Variants in PIK3C2G observed in about 807,000 individuals in gnomAD.
PIK3C2G encodes phosphatidylinositol-4-phosphate 3-kinase catalytic subunit type 2 gamma, also known as phosphatidylinositol 3-kinase C2 domain-containing subunit gamma.
PIK3C2G carries 168 observed loss-of-function variants against 181.1 expected under a neutral mutation model. That is an observed-to-expected ratio of 0.93 (90% confidence interval 0.82 to 1.05). The LOEUF is 1.05. PIK3C2G is among the 50% of genes least tolerant of loss of function. PIK3C2G has a pLI of 0.00. For missense variants in PIK3C2G, 1,869 were observed against 1,732.8 expected (o/e 1.08, Z -1.40); for synonymous variants, 573 against 592.2 (o/e 0.97, Z 0.47).
chr12:18,384,577 G>A (rs1943050832), intron 14 of PIK3C2G, among the ~76,000 whole-genome samples: 1 of 152,230 alleles, frequency 6.6e-6, no homozygotes, highest in Non-Finnish European at 1.5e-5. Flanking sequence ...CTATGGGGCA[G>A]AGAAGAGTGA....
In PIK3C2G at chr12:18,486,989, G is replaced by C. The variant is rs181465229; in HGVS notation, c.2505-1460G>C. 1.5e-3 allele frequency among the ~76,000 whole-genome samples: 231 copies of C among 152,168 alleles called. 1 individual carries two copies. The highest frequency in any genetic ancestry group is 5.3e-3 in the African/African-American group (220 of 41,530). ...TTTGACATTTCAAAATCTCATCATA[G>C]GGATGAGTAGGAAAATTTTTCACTG... On this transcript the variant is annotated intron_variant, in intron 18 of 32. Transcript: ENST00000538779.
intron 24 of PIK3C2G, among the ~76,000 whole-genome samples, chr12:18,508,578 T>C (rs1430409129): frequency 6.6e-6 from 1 of 152,152 alleles, no homozygotes; most frequent in Non-Finnish European, 1.5e-5. Flanking sequence ...ACCCCCTTTG[T>C]AGAGAGAAAC....
the PIK3C2G span, among the ~76,000 whole-genome samples, chr12:18,663,610 A>G: frequency 6.6e-6 from 1 of 152,100 alleles, no homozygotes; most frequent in Non-Finnish European, 1.5e-5. Context: ...TATATCCAGT[A>G]CCTAAACATA....
chr12:18,650,401 ATTTTT>A (rs63132060), downstream of PIK3C2G, among the ~76,000 whole-genome samples: 2 of 136,528 alleles, frequency 1.5e-5, no homozygotes, highest in African/African-American at 5.4e-5. Context: ...ATACACACAC[ATTTTT>A]TTTTTAAGAG....
chr12:18,426,746 C>G (rs1214025619), intron 18 of PIK3C2G, among the ~76,000 whole-genome samples: 1 of 152,142 alleles, frequency 6.6e-6, no homozygotes, highest in Non-Finnish European at 1.5e-5. Flanking sequence ...TGAGATCACT[C>G]TTCTCATGAA....
chr12:18,597,821 T>C (rs1041085713), intron 30 of PIK3C2G, among the ~76,000 whole-genome samples: 1 of 151,954 alleles, frequency 6.6e-6, no homozygotes, highest in Non-Finnish European at 1.5e-5. Flanking sequence ...AAAATCAATG[T>C]ACAAAAATCA....
At chr12:18,345,511 G>A (rs569397104) in intron 10 of PIK3C2G, among the ~76,000 whole-genome samples, 2 of 152,268 alleles carry the variant, frequency 1.3e-5, no homozygotes, top group Admixed American at 6.5e-5. Context: ...ATAGACAGAC[G>A]TACTGAGGCA....
At chr12:18,555,068 C>T (rs1944932458) in intron 26 of PIK3C2G, among the ~76,000 whole-genome samples, 1 of 151,706 alleles carries the variant, frequency 6.6e-6, no homozygotes, top group African/African-American at 2.4e-5. Context: ...AAAGAATGTT[C>T]TCATGCAAAT....
chr12:18,649,390 C>A (rs1950322035), downstream of PIK3C2G, among the ~76,000 whole-genome samples: 1 of 152,088 alleles, frequency 6.6e-6, no homozygotes, highest in Non-Finnish European at 1.5e-5. Context: ...CTCCTCTGAC[C>A]TACTCCAAAA....
At chr12:18,644,052 T>C (rs185607867) in intron 32 of PIK3C2G, among the ~76,000 whole-genome samples, 1 of 152,132 alleles carries the variant, frequency 6.6e-6, no homozygotes, top group Admixed American at 6.6e-5. Flanking sequence ...TATCCAGAGA[T>C]GAGAGGGGCT....
chr12:18,375,502 A>C (rs1168266004), intron 13 of PIK3C2G, among the ~76,000 whole-genome samples: 1 of 152,232 alleles, frequency 6.6e-6, no homozygotes, highest in Non-Finnish European at 1.5e-5. Flanking sequence ...ATTGGAATTT[A>C]TACTTAAAAG....
chr12:18,393,750 G>A (rs534980003), intron 15 of PIK3C2G, among the ~76,000 whole-genome samples: 3 of 152,172 alleles, frequency 2.0e-5, no homozygotes, highest in South Asian at 2.1e-4. Flanking sequence ...CAGGACTTGA[G>A]GTAAGCCTTG....
intron 31 of PIK3C2G, among the ~76,000 whole-genome samples, chr12:18,638,777 G>A (rs1051872122): frequency 6.6e-6 from 1 of 151,854 alleles, no homozygotes; most frequent in Non-Finnish European, 1.5e-5. Context: ...GCAAATTTGG[G>A]GACCCAGATT....
At chr12:18,282,850 C>T (rs1425038453) in intron 2 of PIK3C2G, 91 bp downstream of exon 2, 8 of 867,168 alleles carry the variant, frequency 9.2e-6, no homozygotes, top group Non-Finnish European at 8.5e-6. Flanking sequence ...GATAACTAAA[C>T]TTAAATAGGG....
chr12:18,617,871 C>G (rs1948675938), intron 31 of PIK3C2G, among the ~76,000 whole-genome samples: 1 of 152,168 alleles, frequency 6.6e-6, no homozygotes, highest in Non-Finnish European at 1.5e-5. Flanking sequence ...AAACCTCTGA[C>G]AGGCTGATTA....
At chr12:18,519,715 C>T (rs977121479) in intron 24 of PIK3C2G, among the ~76,000 whole-genome samples, 3 of 138,860 alleles carry the variant, frequency 2.2e-5, no homozygotes, top group Non-Finnish European at 5.1e-5. Flanking sequence ...AGCCCATTTA[C>T]ATTTAAGATT....
At chr12:18,437,136 T>C (rs929689542) in intron 18 of PIK3C2G, among the ~76,000 whole-genome samples, 2 of 151,942 alleles carry the variant, frequency 1.3e-5, no homozygotes, top group African/African-American at 4.8e-5. Flanking sequence ...TATTAGTTAA[T>C]GGATAAGGCT....
chr12:18,585,411 A>G (rs1946717271), intron 29 of PIK3C2G, among the ~76,000 whole-genome samples: 1 of 152,074 alleles, frequency 6.6e-6, no homozygotes. Flanking sequence ...AACAAAACAG[A>G]CATTAAACCA....
At chr12:18,496,713 A>G (rs891694046) in intron 21 of PIK3C2G, among the ~76,000 whole-genome samples, 2 of 152,120 alleles carry the variant, frequency 1.3e-5, no homozygotes, top group African/African-American at 2.4e-5. Flanking sequence ...AAAAAGTAAG[A>G]ATATGCCCGT....
Sources: allele counts gnomAD v4.1 joint callset (sites outside exome capture counted in the v4.1 genomes callset), GRCh38; gene constraint gnomAD v4.1.1; transcripts MANE v1.5; gene names NCBI Gene and HGNC (gene_info 2026-07-23, HGNC 2026-07-21).